GRID2: variants seen among roughly 807,000 people sequenced by gnomAD.
GRID2 encodes glutamate receptor ionotropic, delta-2.
In GRID2, 33 loss-of-function variants were observed where a neutral mutation model predicts 114.8. The observed-to-expected ratio is 0.29, with a 90% CI of 0.22 to 0.38. The LOEUF (loss-of-function observed/expected upper bound fraction) is 0.38, where lower values mean the gene tolerates loss of function less well. Ranked by LOEUF, GRID2 falls within the 10% of genes least tolerant of loss-of-function variation. GRID2 has a pLI of 1.00. For missense variants in GRID2, 1,184 were observed against 1,257.7 expected (o/e 0.94, Z 0.89); for synonymous variants, 505 against 449.9 (o/e 1.12, Z -1.55).
chr4:92,703,587 G>A (rs773132012), intron 2 of GRID2, among the ~76,000 whole-genome samples: 4 of 145,810 alleles, frequency 2.7e-5, no homozygotes, highest in Non-Finnish European at 6.0e-5. Context: ...AAGTCTCTAA[G>A]ACTCTTCATT....
At chr4:92,518,697 A>C (rs1724626561) in intron 1 of GRID2, among the ~76,000 whole-genome samples, 1 of 151,930 alleles carries the variant, frequency 6.6e-6, no homozygotes, top group African/African-American at 2.4e-5. Context: ...AATTTACCAC[A>C]GTTAAAAATA....
At chr4:93,248,868 T>C (rs1748496721) in intron 8 of GRID2, among the ~76,000 whole-genome samples, 1 of 152,164 alleles carries the variant, frequency 6.6e-6, no homozygotes, top group Non-Finnish European at 1.5e-5. Flanking sequence ...TAATTTTATT[T>C]TCCTTCTTAA....
chr4:93,624,124 T>A (rs1742467982), intron 13 of GRID2, among the ~76,000 whole-genome samples: 1 of 152,164 alleles, frequency 6.6e-6, no homozygotes, highest in South Asian at 2.1e-4. Context: ...TAGATATTTT[T>A]ACTCAAACTA....
At chr4:93,406,775 A>G (rs575110617) in intron 9 of GRID2, among the ~76,000 whole-genome samples, 1 of 152,074 alleles carries the variant, frequency 6.6e-6, no homozygotes, top group African/African-American at 2.4e-5. Flanking sequence ...TGTGTTTTAC[A>G]TATTTCCCTG....
intron 2 of GRID2, among the ~76,000 whole-genome samples, chr4:92,719,867 T>A (rs999566746): frequency 2.0e-5 from 3 of 152,118 alleles, no homozygotes; most frequent in African/African-American, 7.2e-5. Context: ...TAGCATATTT[T>A]CCTCTAAGGA....
chr4:93,255,482 G>C (rs1270443033), intron 8 of GRID2, among the ~76,000 whole-genome samples: 1 of 152,042 alleles, frequency 6.6e-6, no homozygotes, highest in African/African-American at 2.4e-5. Context: ...GGATTGGTTT[G>C]TCCCCACAAA....
chr4:92,952,418 C>A (rs1168047489), intron 2 of GRID2, among the ~76,000 whole-genome samples: 1 of 152,160 alleles, frequency 6.6e-6, no homozygotes, highest in East Asian at 1.9e-4. Flanking sequence ...TAAACACATT[C>A]AGAAATTATG....
chr4:93,267,235 G>A (rs1750949676), intron 8 of GRID2, among the ~76,000 whole-genome samples: 1 of 145,308 alleles, frequency 6.9e-6, no homozygotes, highest in South Asian at 2.2e-4. Flanking sequence ...TGTGCACATT[G>A]TGCAGGTTAG....
chr4:92,691,369 GA>G (rs762048308), intron 2 of GRID2, among the ~76,000 whole-genome samples: 3 of 151,996 alleles, frequency 2.0e-5, no homozygotes, highest in Non-Finnish European at 2.9e-5. Context: ...AATGAGAATT[GA>G]ATGAAGGGAC....
In GRID2 at chr4:92,764,610, CTA is replaced by C. The variant is rs147837955; in HGVS notation, c.244+174327_244+174328del. Among the ~76,000 whole-genome samples the C allele has an allele frequency of 5.0e-3, 767 of 152,284 alleles. 6 individuals are homozygous for C. The highest frequency in any genetic ancestry group is 0.018 in the African/African-American group (728 of 41,582). On this transcript the variant is annotated intron_variant, in intron 2 of 15. Transcript: ENST00000282020. ...CTCCGTATTACCCTGTCATTAACAT[CTA>C]TACCCCTTTTTTATAGAACTTAACA... is the stretch of plus-strand genomic sequence containing the variant.
At chr4:93,465,488 A>T (rs1724178678) in intron 11 of GRID2, among the ~76,000 whole-genome samples, 1 of 152,204 alleles carries the variant, frequency 6.6e-6, no homozygotes. Context: ...GTGACATTTG[A>T]CAAGTTTTTT....
At chr4:93,244,523 A>ATTATAT (rs1747944924) in intron 8 of GRID2, among the ~76,000 whole-genome samples, 1 of 33,828 alleles carries the variant, frequency 3.0e-5, no homozygotes, top group Non-Finnish European at 7.0e-5. Context: ...CTATTAATTA[A>ATTATAT]TAGATTATAT....
chr4:93,671,556 C>T (rs1724415516), intron 14 of GRID2, among the ~76,000 whole-genome samples: 1 of 152,094 alleles, frequency 6.6e-6, no homozygotes, highest in South Asian at 2.1e-4. Flanking sequence ...GTTTCCCCGT[C>T]TATGAAATTA....
chr4:93,068,546 G>A (rs1560844960), intron 2 of GRID2, among the ~76,000 whole-genome samples: 1 of 152,062 alleles, frequency 6.6e-6, no homozygotes, highest in Non-Finnish European at 1.5e-5. Context: ...CATAGTAGAT[G>A]TAATCAATTA....
intron 14 of GRID2, among the ~76,000 whole-genome samples, chr4:93,709,142 G>T (rs764383943): frequency 9.3e-4 from 141 of 152,118 alleles, no homozygotes; most frequent in Non-Finnish European, 2.4e-4. Context: ...CAAATACAGT[G>T]TTATAATATT....
Position 93,682,105 on chromosome 4 carries a change from C to G in GRID2, c.2360+55670C>G, listed in dbSNP as rs189555190. Among the ~76,000 whole-genome samples, 742 of 151,874 alleles carry G rather than the reference C, an allele frequency of 4.9e-3. 4 individuals are homozygous for G. The highest frequency in any genetic ancestry group is 6.7e-3 in the Admixed American group (102 of 15,274). ...ACAAGAAAATAACAAACAACCCCAT[C>G]AACAAGTGGGCAAAGGATATGAACA... is the stretch of plus-strand genomic sequence containing the variant. On this transcript the variant is annotated intron_variant, in intron 14 of 15. Transcript: ENST00000282020.
intron 2 of GRID2, among the ~76,000 whole-genome samples, chr4:93,022,823 T>C (rs1419822677): frequency 6.6e-6 from 1 of 152,076 alleles, no homozygotes; most frequent in African/African-American, 2.4e-5. Flanking sequence ...CTTGATATAA[T>C]AGTAAATGTT....
intron 2 of GRID2, among the ~76,000 whole-genome samples, chr4:92,903,186 G>A (rs1344053994): frequency 1.3e-5 from 2 of 151,460 alleles, no homozygotes; most frequent in African/African-American, 4.8e-5. Flanking sequence ...TGATTCATGA[G>A]CATGGGATAT....
At chr4:93,442,474 T>C (rs1223238531) in intron 10 of GRID2, among the ~76,000 whole-genome samples, 1 of 152,012 alleles carries the variant, frequency 6.6e-6, no homozygotes, top group East Asian at 1.9e-4. Context: ...GGTAACTTTT[T>C]CCCCCACTTA....
Sources: allele counts gnomAD v4.1 joint callset (sites outside exome capture counted in the v4.1 genomes callset), GRCh38; gene constraint gnomAD v4.1.1; transcripts MANE v1.5; gene names NCBI Gene and HGNC (gene_info 2026-07-23, HGNC 2026-07-21).